The following MMP24 variants were observed in gnomAD, a reference collection of about 807,000 sequenced individuals.
MMP24 encodes the protein matrix metallopeptidase 24, also known as matrix metalloproteinase-24.
MMP24 carries 25 observed loss-of-function variants against 62.8 expected under a neutral mutation model. The ratio of observed to expected loss-of-function variants is 0.40; its 90% confidence interval spans 0.29 to 0.56. The LOEUF is 0.56. Ranked by LOEUF, MMP24 falls within the 20% of genes least tolerant of loss-of-function variation. The pLI is 0.50. For synonymous variants in MMP24, 319 were observed against 350.5 expected (o/e 0.91, Z 1.00); for missense variants, 634 against 853.6 (o/e 0.74, Z 3.21).
chr20:35,274,929 TGGTGTCCATGA>T lies in MMP24; in HGVS notation c.*324_*334del. 2.8e-6 allele frequency: 1 copy of T among 360,640 alleles called. No individual in the cohort carries two copies. The highest frequency in any genetic ancestry group is 5.1e-6 in the Non-Finnish European group (1 of 195,988). 22.3% of individuals were successfully genotyped at this position (360,640 alleles called of 1,614,324 possible). On this transcript the variant is annotated 3_prime_UTR_variant, in exon 9 of 9. Transcript: ENST00000246186. The surrounding 1 kb of genome is among the most constrained non-coding windows in gnomAD (Gnocchi z 5.1). ...GAGCCCCTGTGGTCACGGCATCCTG[TGGTGTCCATGA>T]GGTACCACAGCTCCACTCCTGGCTG...
At position 35,269,740 on chromosome 20, in the gene MMP24, C is replaced by T. The variant is rs1568621706; in HGVS notation, c.1195-20C>T. The T allele has an allele frequency of 7.7e-6, 12 of 1,562,140 alleles. No homozygotes were observed. Among genetic ancestry groups the T allele is most frequent in the South Asian group, 4.7e-5 (4 of 84,496 alleles). On this transcript the variant is annotated intron_variant, in intron 6 of 8. Transcript: ENST00000246186. The surrounding 1 kb of genome is among the most constrained non-coding windows in gnomAD (Gnocchi z 4.6). ...GCAGGGCCTGACACACCTCTCTCCCCCTCTCCCGCTTCCTCCCAGGATCGC... is the reference window on the plus strand; with the variant it reads ...GCAGGGCCTGACACACCTCTCTCCCTCTCTCCCGCTTCCTCCCAGGATCGC...
At chr20:35,243,894 T>C (rs1373295995) in intron 1 of MMP24, among the ~76,000 whole-genome samples, 1 of 152,258 alleles carries the variant, frequency 6.6e-6, no homozygotes, top group Admixed American at 6.5e-5. Context: ...AGTATTGATA[T>C]TCTGTGCCAT....
Position 35,227,003 on chromosome 20 carries a change from G to T in MMP24, c.246+19G>T. The T allele has an allele frequency of 1.0e-6, 1 of 980,564 alleles. No individual in the cohort carries two copies. Among genetic ancestry groups the T allele is most frequent in the Middle Eastern group, 5.2e-4 (1 of 1,914 alleles). 60.7% of individuals were successfully genotyped at this position (980,564 alleles called of 1,614,324 possible). The stretch of plus-strand genomic sequence containing the variant: ...CGGGCAGGTGGGGCTGGCGCGCGGG[G>T]CCGGGGCGCGGGCTCGGGGCATCCG... On this transcript the variant is annotated intron_variant, in intron 1 of 8. Transcript: ENST00000246186.
At position 35,246,948 on chromosome 20, in the gene MMP24, G is replaced by A. The variant is rs754028852; in HGVS notation, c.355G>A (p.Gly119Arg). Residue 119 changes from glycine (G) to arginine (R), a missense_variant, in exon 2 of 9, where the codon GGG becomes AGG. Transcript: ENST00000246186. ...SAVSTMQQFY[G>R]IPVTGVLDQT... ...AGTCTCCACTATGCAGCAGTTTTAC[G>A]GGATCCCGGTCACCGGTGTGTTGGA... 2.6e-5 allele frequency: 42 copies of A among 1,614,002 alleles called. No homozygotes were observed. In the East Asian group the frequency reaches 3.8e-4, roughly 15 times the overall value.
At chr20:35,235,659 T>C (rs926130640) in intron 1 of MMP24, among the ~76,000 whole-genome samples, 3 of 151,824 alleles carry the variant, frequency 2.0e-5, no homozygotes, top group Admixed American at 6.6e-5. Flanking sequence ...AATCACGCCA[T>C]TGCACTCCAG....
At chr20:35,270,590 G>T (rs1282492369) in intron 7 of MMP24, among the ~76,000 whole-genome samples, 1 of 152,218 alleles carries the variant, frequency 6.6e-6, no homozygotes. Context: ...GAGCAGCAGA[G>T]AGCCAGAGGG....
chr20:35,266,913 G>A (rs1232661096), intron 5 of MMP24, among the ~76,000 whole-genome samples: 2 of 152,114 alleles, frequency 1.3e-5, no homozygotes, highest in African/African-American at 4.8e-5. Context: ...TGTGAAGGGG[G>A]CAAAGAGGGT....
intron 1 of MMP24, among the ~76,000 whole-genome samples, chr20:35,240,711 T>G (rs2060484862): frequency 6.6e-6 from 1 of 152,184 alleles, no homozygotes; most frequent in African/African-American, 2.4e-5. Context: ...CTTGGTGCTT[T>G]CAGTGTATTA....
chr20:35,249,793 C>G (rs1296240414), intron 2 of MMP24, among the ~76,000 whole-genome samples: 1 of 151,100 alleles, frequency 6.6e-6, no homozygotes, highest in African/African-American at 2.4e-5. Flanking sequence ...CGGGGTTTCA[C>G]CATGTTAGCC....
intron 6 of MMP24, among the ~76,000 whole-genome samples, chr20:35,268,835 G>A (rs943154016): frequency 6.6e-6 from 1 of 152,092 alleles, no homozygotes; most frequent in East Asian, 1.9e-4. Flanking sequence ...AGACCATCCT[G>A]GCTAACATGG....
At chr20:35,268,655 C>T (rs1336714676) in intron 6 of MMP24, among the ~76,000 whole-genome samples, 1 of 152,258 alleles carries the variant, frequency 6.6e-6, no homozygotes, top group Non-Finnish European at 1.5e-5. Context: ...TCTTCTTCTG[C>T]ACTCATTCTA....
chr20:35,229,835 T>C (rs2425017), intron 1 of MMP24, among the ~76,000 whole-genome samples: 33,572 of 151,980 alleles, frequency 0.22, 4,892 homozygotes, highest in African/African-American at 0.42. Context: ...ACCCGTTCAT[T>C]TGAAACCTTT....
Position 35,267,287 on chromosome 20 carries a change from A to G in MMP24, c.1062A>G (p.Lys354=). 2 of 1,604,338 alleles carry G rather than the reference A, an allele frequency of 1.2e-6. No homozygotes were observed. The highest frequency in any genetic ancestry group is 1.7e-6 in the Non-Finnish European group (2 of 1,175,906). The part of the protein sequence containing the change: ...VRRIHSPSER[K]HERQPRPPRP... ...GGATCCACTCACCATCGGAGAGGAA[A>G]CACGAGCGCCAGCCCAGGCCCCCTC... Residue 354 remains lysine, a synonymous_variant, in exon 6 of 9, where the codon AAA becomes AAG. Coordinates refer to ENST00000246186, the MANE Select transcript of MMP24 (RefSeq NM_006690.4).
chr20:35,232,510 G>T (rs973265836), intron 1 of MMP24, among the ~76,000 whole-genome samples: 3 of 152,196 alleles, frequency 2.0e-5, no homozygotes, highest in African/African-American at 7.2e-5. Context: ...GGGAAGCACC[G>T]AAGAGGGAGG....
At chr20:35,272,233 A>G (rs2060674371) in intron 8 of MMP24, 1 of 424,774 alleles carries the variant, frequency 2.4e-6, no homozygotes, top group Admixed American at 3.8e-5. Flanking sequence ...CCTTCAAAAA[A>G]AATTTTTTTT....
chr20:35,274,184 C>T lies in MMP24; in HGVS notation c.1601-88C>T. 1.5e-6 allele frequency: 2 copies of T among 1,347,690 alleles called. No homozygotes were observed. Among genetic ancestry groups the T allele is most frequent in the Non-Finnish European group, 2.0e-6 (2 of 978,206 alleles). The allele number at this position is 1,347,690 out of a possible 1,614,324, so 83.5% of individuals were successfully genotyped here. ...GGTGTGCCCACCTTGCCTCCCTTGC[C>T]ACAGTGCCTGTGCCCTCCTTTTCAC... On this transcript the variant is annotated intron_variant, in intron 8 of 8. Transcript: ENST00000246186. The surrounding 1 kb of genome is among the most constrained non-coding windows in gnomAD (Gnocchi z 5.1).
At position 35,274,101 on chromosome 20, in the gene MMP24, C is replaced by G. The variant is rs639763; in HGVS notation, c.1601-171C>G. 1.3e-5 allele frequency among the ~76,000 whole-genome samples: 2 copies of G among 151,920 alleles called. No individual in the cohort carries two copies. The highest frequency in any genetic ancestry group is 2.9e-5 in the Non-Finnish European group (2 of 67,972). ...GGCGGACCACTCCAGGTCCCGGGTG[C>G]CCCCCTCTGCAGCTTCTTACTCCAT... On this transcript the variant is annotated intron_variant, in intron 8 of 8. Transcript: ENST00000246186. This position sits in a 1 kb window ranked among gnomAD's most constrained non-coding sequence, Gnocchi z 5.1.
At chr20:35,267,665 G>A (rs749480630) in intron 6 of MMP24, among the ~76,000 whole-genome samples, 5 of 152,232 alleles carry the variant, frequency 3.3e-5, no homozygotes, top group Non-Finnish European at 7.3e-5. Context: ...GGGAGAAAGT[G>A]CTGGAAGCTG....
intron 5 of MMP24, 84 bp from the exon 6 acceptor site, chr20:35,267,121 C>T: frequency 8.4e-7 from 1 of 1,193,764 alleles, no homozygotes; most frequent in East Asian, 2.6e-5. Flanking sequence ...AGACTTGTCT[C>T]AGAGCTGCCT....
Sources: allele counts gnomAD v4.1 joint callset (sites outside exome capture counted in the v4.1 genomes callset), GRCh38; gene constraint gnomAD v4.1.1; non-coding constraint Gnocchi (gnomAD v3.1); transcripts MANE v1.5; gene names NCBI Gene and HGNC (gene_info 2026-07-23, HGNC 2026-07-21).